NOL9: variants seen among roughly 807,000 people sequenced by gnomAD.
The protein encoded by NOL9 is polynucleotide 5'-hydroxyl-kinase NOL9.
A neutral mutation model predicts 67.9 loss-of-function variants in NOL9; 28 were observed. The observed-to-expected ratio is 0.41, with a 90% CI of 0.31 to 0.57. The LOEUF is 0.57. NOL9 is among the 20% of genes least tolerant of loss of function. The pLI, the probability that NOL9 is intolerant of heterozygous loss-of-function variation, is 0.25. For synonymous variants in NOL9, 356 were observed against 352.2 expected (o/e 1.01, Z -0.12); for missense variants, 777 against 897.0 (o/e 0.87, Z 1.71).
rs1638854706 is a variant in NOL9 at position 6,525,167 on chromosome 1, A to G, written c.*687T>C. The G allele has an allele frequency of 6.6e-6, 1 of 151,844 alleles. No homozygotes were observed. Among genetic ancestry groups the G allele is most frequent in the East Asian group, 1.9e-4 (1 of 5,168 alleles). The allele number at this position is 151,844 out of a possible 1,614,324, so 9.4% of individuals were successfully genotyped here. A position where few individuals can be genotyped will look rare whatever the true frequency, so the allele number is the denominator to read the frequency against. ...AAATTTTTCTTTTCTTTTTTAAAAGATAAGGTCTTACTCTGTCGCTCAGGC... is the reference window on the plus strand; with the variant it reads ...AAATTTTTCTTTTCTTTTTTAAAAGGTAAGGTCTTACTCTGTCGCTCAGGC... On this transcript the variant is annotated 3_prime_UTR_variant, in exon 12 of 12. Coordinates refer to ENST00000377705, the MANE Select transcript of NOL9 (RefSeq NM_024654.5).
rs12024749 is a variant in NOL9, at chr1:6,535,630, T to C, written c.1076-2189A>G. 4.0e-3 allele frequency among the ~76,000 whole-genome samples: 602 copies of C among 152,276 alleles called. 5 individuals carry two copies. Among genetic ancestry groups the C allele is most frequent in the East Asian group, 0.035 (184 of 5,184 alleles). On this transcript the variant is annotated intron_variant, in intron 6 of 11. Transcript: ENST00000377705. ...GCCAAGTTTTCTTGTTTTTGTTTAT[T>C]TTTAAGACAGGGTCAGCTGGGCATG...
At chr1:6,538,909 C>G (rs918627409) in intron 6 of NOL9, among the ~76,000 whole-genome samples, 3 of 152,092 alleles carry the variant, frequency 2.0e-5, no homozygotes, top group Non-Finnish European at 2.9e-5. Context: ...GAGGTGGAGG[C>G]TGTAGTGAGC....
intron 3 of NOL9, chr1:6,548,582 A>G (rs564072206): frequency 3.4e-4 from 130 of 381,464 alleles, no homozygotes; most frequent in African/African-American, 2.2e-3. Flanking sequence ...CATCATTGTA[A>G]AAGTGCTGAA....
chr1:6,542,520 C>T (rs985398005), intron 5 of NOL9, among the ~76,000 whole-genome samples: 10 of 149,898 alleles, frequency 6.7e-5, no homozygotes, highest in African/African-American at 2.5e-4. Flanking sequence ...TGCAGTGGCG[C>T]GATCTTGGCT....
intron 5 of NOL9, among the ~76,000 whole-genome samples, chr1:6,542,940 C>T (rs11577971): frequency 0.038 from 5,742 of 151,994 alleles, 121 homozygotes; most frequent in Non-Finnish European, 0.057. Context: ...ACCGAGTCAC[C>T]CAGGCTGGAG....
chr1:6,544,291 A>G (rs987374583), intron 5 of NOL9, among the ~76,000 whole-genome samples: 10 of 152,000 alleles, frequency 6.6e-5, no homozygotes, highest in Non-Finnish European at 1.5e-4. Context: ...TCAAAAAAAA[A>G]AAAATTAAGC....
rs1477551581 is a variant in NOL9, at chr1:6,525,499, C to T, written c.*355G>A. ...CAGGTCGGCCTTCTTCCTTCCTTCT[C>T]GGTACATTGTAATGGCCCCAGTTTC... On this transcript the variant is annotated 3_prime_UTR_variant, in exon 12 of 12. Coordinates refer to ENST00000377705, the MANE Select transcript of NOL9 (RefSeq NM_024654.5). The T allele has an allele frequency of 3.8e-5, 9 of 235,574 alleles. No homozygotes were observed. Among genetic ancestry groups the T allele is most frequent in the Non-Finnish European group, 6.6e-5 (8 of 120,410 alleles). 14.6% of individuals were successfully genotyped at this position (235,574 alleles called of 1,614,324 possible).
intron 3 of NOL9, 76 bp downstream of exon 3, chr1:6,549,495 A>G: frequency 6.5e-7 from 1 of 1,535,644 alleles, no homozygotes; most frequent in Admixed American, 1.9e-5. Flanking sequence ...TTCCAAGACA[A>G]CATCCTACAT....
At chr1:6,553,149 G>A (rs1396646415) in intron 1 of NOL9, among the ~76,000 whole-genome samples, 1 of 152,158 alleles carries the variant, frequency 6.6e-6, no homozygotes, top group Non-Finnish European at 1.5e-5. Context: ...ATACCCCATG[G>A]CAGCTACAGA....
chr1:6,526,588 T>C (rs180969399), intron 11 of NOL9, 108 bp downstream of exon 11: 338 of 1,156,576 alleles, frequency 2.9e-4, no homozygotes, highest in African/African-American at 3.7e-4. Context: ...CAACAAAGTA[T>C]AGGTTTCCCA....
intron 6 of NOL9, among the ~76,000 whole-genome samples, chr1:6,536,552 G>A (rs1639161384): frequency 6.6e-6 from 1 of 151,702 alleles, no homozygotes; most frequent in Non-Finnish European, 1.5e-5. Flanking sequence ...ATAAGGCCAG[G>A]TGCAGTGGCT....
chr1:6,531,649 T>G (rs1448999162), intron 9 of NOL9, among the ~76,000 whole-genome samples: 2 of 152,272 alleles, frequency 1.3e-5, no homozygotes, highest in Non-Finnish European at 2.9e-5. Flanking sequence ...GAGCAGCCCC[T>G]GCGACCAGAT....
intron 10 of NOL9, among the ~76,000 whole-genome samples, chr1:6,527,827 A>C (rs2004222): frequency 0.82 from 124,084 of 152,072 alleles, 51,498 homozygotes; most frequent in Non-Finnish European, 0.89. Context: ...GCTACTCAGG[A>C]GGCTGAGACA....
At position 6,525,777 on chromosome 1, in the gene NOL9, C is replaced by A. The variant is rs1289631873; in HGVS notation, c.*77G>T. On this transcript the variant is annotated 3_prime_UTR_variant, in exon 12 of 12. Coordinates refer to ENST00000377705, the MANE Select transcript of NOL9 (RefSeq NM_024654.5). ...GGCACCATTCATGGCCATGAAACTCCATCATGTCTCTTGTGGTCAGGCTTG... is the reference window on the plus strand; with the variant it reads ...GGCACCATTCATGGCCATGAAACTCAATCATGTCTCTTGTGGTCAGGCTTG... 4.7e-6 allele frequency: 7 copies of A among 1,493,894 alleles called. No individual in the cohort carries two copies. Among genetic ancestry groups the A allele is most frequent in the Non-Finnish European group, 6.5e-6 (7 of 1,080,436 alleles). 92.5% of individuals were successfully genotyped at this position (1,493,894 alleles called of 1,614,324 possible). A position where few individuals can be genotyped will look rare whatever the true frequency, so the allele number is the denominator to read the frequency against.
intron 3 of NOL9, 126 bp downstream of exon 3, chr1:6,549,445 C>A: frequency 9.7e-7 from 1 of 1,035,500 alleles, no homozygotes; most frequent in Middle Eastern, 3.0e-4. Flanking sequence ...ACACGTATTA[C>A]ATTCTGTAGG....
At chr1:6,537,695 C>T (rs953321310) in intron 6 of NOL9, among the ~76,000 whole-genome samples, 3 of 152,124 alleles carry the variant, frequency 2.0e-5, no homozygotes, top group Admixed American at 6.6e-5. Flanking sequence ...TAAGATCAAA[C>T]AATCTTCAAG....
In NOL9 at chr1:6,522,928, C is replaced by T. The variant is rs890198716; in HGVS notation, c.*2926G>A. ...AAATTGCTTCAGCACTTTGGGAGGC[C>T]GAGGCAAGCGGATCACAAGGTCAGG... On this transcript the variant is annotated 3_prime_UTR_variant, in exon 12 of 12. Transcript: ENST00000377705. 6 of 142,926 alleles carry T rather than the reference C, an allele frequency of 4.2e-5. No homozygotes were observed. The highest frequency in any genetic ancestry group is 2.2e-4 in the Admixed American group (3 of 13,852). 8.9% of individuals were successfully genotyped at this position (142,926 alleles called of 1,614,324 possible).
At chr1:6,529,618 TA>T (rs1638976081) in intron 9 of NOL9, among the ~76,000 whole-genome samples, 1 of 149,936 alleles carries the variant, frequency 6.7e-6, no homozygotes, top group Non-Finnish European at 1.5e-5. Context: ...AAAATAAAAA[TA>T]AAAAATAAAA....
At chr1:6,543,665 T>G (rs374412990) in intron 5 of NOL9, among the ~76,000 whole-genome samples, 2 of 151,980 alleles carry the variant, frequency 1.3e-5, no homozygotes, top group African/African-American at 4.8e-5. Context: ...ATAACCCACC[T>G]CTGTTGTTGT....
Sources: gnomAD v4.1 joint callset for allele counts (sites outside exome capture counted in the v4.1 genomes callset) on GRCh38, gnomAD v4.1.1 for gene constraint, MANE v1.5 for transcripts, NCBI Gene and HGNC (gene_info 2026-07-23, HGNC 2026-07-21) for gene names.